Variants in B3GALNT2 observed in about 807,000 individuals in gnomAD.
B3GALNT2 encodes the protein beta-1,3-N-acetylgalactosaminyltransferase 2, also known as UDP-GalNAc:beta-1,3-N-acetylgalactosaminyltransferase 2.
A neutral mutation model predicts 61.1 loss-of-function variants in B3GALNT2; 53 were observed. The observed-to-expected ratio is 0.87, with a 90% confidence interval of 0.70 to 1.09. The LOEUF (loss-of-function observed/expected upper bound fraction) is 1.09, where lower values mean the gene tolerates loss of function less well. B3GALNT2 is among the 50% of genes least tolerant of loss of function. The pLI is 0.00. For missense variants in B3GALNT2, 544 were observed against 623.0 expected (o/e 0.87, Z 1.35); for synonymous variants, 223 against 237.4 (o/e 0.94, Z 0.56).
chr1:235,491,895 C>A (rs1481375897), intron 2 of B3GALNT2, among the ~76,000 whole-genome samples: 1 of 152,156 alleles, frequency 6.6e-6, no homozygotes, highest in Non-Finnish European at 1.5e-5. Flanking sequence ...ACCCTTCCCC[C>A]ACCACCACAA....
intron 6 of B3GALNT2, among the ~76,000 whole-genome samples, chr1:235,466,879 A>G (rs931585726): frequency 6.6e-6 from 1 of 152,212 alleles, no homozygotes; most frequent in Non-Finnish European, 1.5e-5. Context: ...CAGACAGTTA[A>G]GAGTCCATAC....
chr1:235,489,082 T>C, intron 3 of B3GALNT2, 86 bp downstream of exon 3: 1 of 1,456,400 alleles, frequency 6.9e-7, no homozygotes, highest in Non-Finnish European at 9.1e-7. Flanking sequence ...TAATAAAAAA[T>C]AAAAACAGAC....
intron 1 of B3GALNT2, among the ~76,000 whole-genome samples, chr1:235,498,274 G>A (rs1196005301): frequency 6.6e-6 from 1 of 152,092 alleles, no homozygotes; most frequent in Non-Finnish European, 1.5e-5. Flanking sequence ...CAAGAACAGG[G>A]TACCTAGTTG....
intron 7 of B3GALNT2, among the ~76,000 whole-genome samples, chr1:235,460,429 C>T (rs565654533): frequency 7.6e-5 from 11 of 145,276 alleles, no homozygotes; most frequent in African/African-American, 2.6e-4. Context: ...CAGGCATGAG[C>T]GACTGTGCCT....
rs1405450905 is a variant in B3GALNT2, at chr1:235,484,357, T to C, written c.520A>G (p.Asn174Asp). 1 of 1,614,056 alleles carries C rather than the reference T, an allele frequency of 6.2e-7. No individual in the cohort carries two copies. Among genetic ancestry groups the C allele is most frequent in the African/African-American group, 1.3e-5 (1 of 74,942 alleles). ...GCCTGATAAAGTTTGACAGTGATGT[T>C]CCTCTGGAAACCCACATCATTGGCA... ...YDANDVGFQR[N>D]ITVKLYQAEQ... Residue 174 changes from asparagine (N) to aspartate (D), a missense_variant, in exon 4 of 12, where the codon AAC (asparagine) becomes GAC (aspartate). By Grantham distance (23) the Asn-to-Asp change is conservative. Transcript: ENST00000366600.
chr1:235,490,187 T>C (rs1401310763), intron 2 of B3GALNT2, among the ~76,000 whole-genome samples: 1 of 152,224 alleles, frequency 6.6e-6, no homozygotes, highest in Non-Finnish European at 1.5e-5. Context: ...TTTATTCTCA[T>C]GGCTTCAAAT....
At chr1:235,470,022 T>G (rs1371512672) in intron 6 of B3GALNT2, among the ~76,000 whole-genome samples, 1 of 151,868 alleles carries the variant, frequency 6.6e-6, no homozygotes, top group African/African-American at 2.4e-5. Context: ...CTCAGCCACC[T>G]GAGTAGCTGG....
At chr1:235,450,490 G>A (rs746245672) in intron 11 of B3GALNT2, 150 bp from the exon 12 acceptor site, 5 of 956,346 alleles carry the variant, frequency 5.2e-6, no homozygotes, top group Non-Finnish European at 6.1e-6. Flanking sequence ...GTGAGGTTTG[G>A]GGGTGGCACC....
intron 4 of B3GALNT2, among the ~76,000 whole-genome samples, chr1:235,481,325 T>C (rs1684556405): frequency 1.3e-5 from 2 of 152,186 alleles, no homozygotes; most frequent in Non-Finnish European, 2.9e-5. Flanking sequence ...ACTACTTGAT[T>C]GATAACTCGC....
At chr1:235,459,367 A>G (rs917833289) in intron 7 of B3GALNT2, among the ~76,000 whole-genome samples, 2 of 152,236 alleles carry the variant, frequency 1.3e-5, no homozygotes, top group Admixed American at 1.3e-4. Flanking sequence ...TTATGCCTGT[A>G]ATCCCAGCAC....
At chr1:235,493,171 G>A (rs1232176351) in intron 2 of B3GALNT2, among the ~76,000 whole-genome samples, 1 of 152,162 alleles carries the variant, frequency 6.6e-6, no homozygotes, top group Non-Finnish European at 1.5e-5. Context: ...AAGGTGGTGA[G>A]AAGTCAGATT....
rs1329018821 is a variant in B3GALNT2, at chr1:235,448,461, CAA to C, written c.*1743_*1744del. ...CCAAAGTAAGTTGCCCAGCAAAATA[CAA>C]AGTCAAAGTCAAGCTTAGTCCTCGT... On this transcript the variant is annotated 3_prime_UTR_variant, in exon 12 of 12. Transcript: ENST00000366600. The C allele has an allele frequency of 6.2e-7, 1 of 1,604,868 alleles. No individual in the cohort carries two copies. The highest frequency in any genetic ancestry group is 2.2e-5 in the East Asian group (1 of 44,832).
intron 7 of B3GALNT2, among the ~76,000 whole-genome samples, chr1:235,460,421 G>A (rs1393840397): frequency 2.0e-5 from 3 of 148,554 alleles, no homozygotes; most frequent in Admixed American, 2.0e-4. Flanking sequence ...TAAGATTACA[G>A]GCATGAGCGA....
chr1:235,449,503 AACTATGAGT>A lies in B3GALNT2; in HGVS notation c.*694_*702del, dbSNP rs1179636411. 4 of 152,750 alleles carry A rather than the reference AACTATGAGT, an allele frequency of 2.6e-5. No homozygotes were observed. Among genetic ancestry groups the A allele is most frequent in the African/African-American group, 9.6e-5 (4 of 41,462 alleles). 9.5% of individuals were successfully genotyped at this position (152,750 alleles called of 1,614,324 possible). A position where few individuals can be genotyped will look rare whatever the true frequency, so the allele number is the denominator to read the frequency against. On this transcript the variant is annotated 3_prime_UTR_variant, in exon 12 of 12. Coordinates refer to ENST00000366600, the MANE Select transcript of B3GALNT2 (RefSeq NM_152490.5). ...TACTCACACAACTTTAGCATTTAAA[AACTATGAGT>A]ACTAAACTGTGACCTTCAGGATTTA...
chr1:235,470,558 A>C (rs1395436113), intron 6 of B3GALNT2, among the ~76,000 whole-genome samples: 1 of 145,446 alleles, frequency 6.9e-6, no homozygotes, highest in Non-Finnish European at 1.5e-5. Flanking sequence ...AGCCTGTGCA[A>C]CAAAGTGAGA....
chr1:235,499,454 T>C (rs1685488269), intron 1 of B3GALNT2, among the ~76,000 whole-genome samples: 1 of 152,148 alleles, frequency 6.6e-6, no homozygotes, highest in Non-Finnish European at 1.5e-5. Context: ...TGACAGAGCA[T>C]CTCCTATGCT....
At chr1:235,484,301 C>A in intron 4 of B3GALNT2, 21 bp downstream of exon 4, 3 of 1,556,280 alleles carry the variant, frequency 1.9e-6, no homozygotes, top group South Asian at 1.2e-5. Flanking sequence ...AGAGAAAAAA[C>A]CTGTACAGAG....
chr1:235,479,536 T>G (rs888507405), intron 5 of B3GALNT2: 1 of 154,072 alleles, frequency 6.5e-6, no homozygotes, highest in Non-Finnish European at 1.4e-5. Flanking sequence ...TATCTAGTTA[T>G]GACTGGACCT....
chr1:235,491,955 G>A (rs1439180648), intron 2 of B3GALNT2, among the ~76,000 whole-genome samples: 3 of 151,978 alleles, frequency 2.0e-5, no homozygotes, highest in South Asian at 2.1e-4. Context: ...CAAACACCCC[G>A]GGCTATTTTA....
Sources: gnomAD v4.1 joint callset for allele counts (sites outside exome capture counted in the v4.1 genomes callset) on GRCh38, gnomAD v4.1.1 for gene constraint, MANE v1.5 for transcripts, NCBI Gene and HGNC (gene_info 2026-07-23, HGNC 2026-07-21) for gene names.